DNAH8: variants seen among roughly 807,000 people sequenced by gnomAD.
DNAH8 encodes dynein axonemal heavy chain 8, also known as axonemal beta dynein heavy chain 8.
DNAH8 carries 382 observed loss-of-function variants against 562.1 expected under a neutral mutation model. That is an observed-to-expected ratio of 0.68 (90% confidence interval 0.63 to 0.74). The LOEUF is 0.74. DNAH8 is among the 30% of genes least tolerant of loss of function. The pLI is 0.00. For synonymous variants in DNAH8, 1,881 were observed against 1,919.4 expected (o/e 0.98, Z 0.52); for missense variants, 5,203 against 5,620.4 (o/e 0.93, Z 2.37).
Position 39,026,557 on chromosome 6 carries a change from G to C in DNAH8, c.13726G>C (p.Ala4576Pro), listed in dbSNP as rs761867918. ...GFFNPQGFLT[A>P]MRQEVTRAHK... is the part of the protein sequence containing the mutation. ...TTTTTTTCTTTAAGGCTTCCTCACA[G>C]CAATGAGGCAAGAAGTGACCCGTGC... Residue 4576 changes from alanine (A) to proline (P), a missense_variant, in exon 92 of 93, where the codon GCA (alanine) becomes CCA (proline). Ala to Pro is a conservative substitution (Grantham distance 27). Around this residue, in one of 6 missense-constraint regions of DNAH8, gnomAD observed 1,399 missense variants for 1,518.4 expected, o/e 0.92. Transcript: ENST00000327475. 8.7e-6 allele frequency: 14 copies of C among 1,610,180 alleles called. No individual in the cohort carries two copies. The highest frequency in any genetic ancestry group is 1.1e-5 in the Non-Finnish European group (13 of 1,178,794).
intron 77 of DNAH8, 116 bp downstream of exon 77, chr6:38,935,813 A>C (rs1183994304): frequency 1.4e-6 from 1 of 700,600 alleles, no homozygotes; most frequent in East Asian, 2.9e-5. Flanking sequence ...TATCAATGCA[A>C]AAACAAGCAA....
chr6:38,983,210 A>G (rs1764153495), intron 86 of DNAH8, among the ~76,000 whole-genome samples: 1 of 152,216 alleles, frequency 6.6e-6, no homozygotes, highest in Non-Finnish European at 1.5e-5. Context: ...TGAGGAACGA[A>G]TGAGTTAGTA....
At position 38,938,055 on chromosome 6, in the gene DNAH8, A is replaced by G. The variant is rs1459344355; in HGVS notation, c.11645A>G (p.His3882Arg). 9 of 1,614,118 alleles carry G rather than the reference A, an allele frequency of 5.6e-6. No individual in the cohort carries two copies. Among genetic ancestry groups the G allele is most frequent in the Non-Finnish European group, 7.6e-6 (9 of 1,180,026 alleles). The stretch of plus-strand genomic sequence containing the variant: ...GCAGCTGAGGTAAGTGAAAAGTTGC[A>G]TGTGGCTGCAGAAACTGAGATCAAG... ...QTAAEVSEKL[H>R]VAAETEIKIN... is the part of the protein sequence containing the mutation. Residue 3882 changes from histidine to arginine, a missense_variant, in exon 78 of 93, where the codon CAT becomes CGT. Coordinates refer to ENST00000327475, the MANE Select transcript of DNAH8 (RefSeq NM_001206927.2).
intron 26 of DNAH8, among the ~76,000 whole-genome samples, chr6:38,816,555 T>A (rs1049654571): frequency 6.7e-6 from 1 of 150,362 alleles, no homozygotes; most frequent in East Asian, 2.0e-4. Flanking sequence ...TAGGCGTGCA[T>A]GTATCCTTAT....
At chr6:38,994,829 G>C (rs1765033417) in intron 88 of DNAH8, among the ~76,000 whole-genome samples, 1 of 151,528 alleles carries the variant, frequency 6.6e-6, no homozygotes, top group Non-Finnish European at 1.5e-5. Flanking sequence ...ATTTTAGTAG[G>C]GAAGGGGTTT....
At chr6:39,020,139 T>C (rs1561983157) in intron 91 of DNAH8, among the ~76,000 whole-genome samples, 1 of 152,158 alleles carries the variant, frequency 6.6e-6, no homozygotes, top group Non-Finnish European at 1.5e-5. Context: ...ATCCCAGCCT[T>C]GCTAAGACAG....
At chr6:38,908,194 AT>A in intron 64 of DNAH8, 74 bp downstream of exon 64, 1 of 803,504 alleles carries the variant, frequency 1.2e-6, no homozygotes, top group South Asian at 2.9e-5. Context: ...GCCTTCTCTG[AT>A]TAGAAAATGA....
In DNAH8 at chr6:38,722,880, C is replaced by T. The variant is rs768307399; in HGVS notation, c.71C>T (p.Ala24Val). 3.7e-6 allele frequency: 6 copies of T among 1,611,466 alleles called. No individual in the cohort carries two copies. The highest frequency in any genetic ancestry group is 3.3e-4 in the Middle Eastern group (2 of 6,042). ...AEAPPSTEEA[A>V]PPRSEEEEAP... ...GCTCCTCCCTCTACGGAAGAGGCTG[C>T]CCCTCCCCGTTCAGAAGAGGAAGAG... is the stretch of plus-strand genomic sequence containing the variant. Residue 24 changes from alanine (A) to valine (V), a missense_variant, in exon 2 of 93, where the codon GCC becomes GTC. By Grantham distance (64) the Ala-to-Val change is moderately conservative. This residue lies in a region of DNAH8 where 556 missense variants were observed against 496.9 expected (regional missense o/e 1.12). Coordinates refer to ENST00000327475, the MANE Select transcript of DNAH8 (RefSeq NM_001206927.2).
intron 17 of DNAH8, among the ~76,000 whole-genome samples, chr6:38,785,198 A>G (rs1011078174): frequency 1.3e-4 from 20 of 152,196 alleles, no homozygotes; most frequent in Non-Finnish European, 1.9e-4. Context: ...TTCATTTCAG[A>G]AATGAATTGC....
At chr6:38,749,249 A>T (rs1451401629) in intron 8 of DNAH8, among the ~76,000 whole-genome samples, 1 of 152,176 alleles carries the variant, frequency 6.6e-6, no homozygotes, top group Non-Finnish European at 1.5e-5. Context: ...GGAAGCCATC[A>T]TCCTCAGCAA....
chr6:38,737,610 A>G lies in DNAH8; in HGVS notation c.953-199A>G, dbSNP rs57772294. Among the ~76,000 whole-genome samples the G allele has an allele frequency of 0.12, 18,525 of 151,246 alleles. 1,363 individuals carry two copies. The highest frequency in any genetic ancestry group is 0.22 in the Admixed American group (3,400 of 15,170). On this transcript the variant is annotated intron_variant, in intron 6 of 92. Coordinates refer to ENST00000327475, the MANE Select transcript of DNAH8 (RefSeq NM_001206927.2). ...TCAGTAAATTATGAAGTCATAATCT[A>G]ATGATTAATTAGAATTATATTTCTG...
intron 76 of DNAH8, chr6:38,932,875 A>G (rs963555304): frequency 2.0e-5 from 3 of 152,334 alleles, no homozygotes; most frequent in Non-Finnish European, 4.4e-5. Flanking sequence ...GCAACATCCT[A>G]CCTGGCTCAT....
At chr6:39,010,150 C>CTG (rs10627870) in intron 89 of DNAH8, among the ~76,000 whole-genome samples, 136,517 of 152,134 alleles carry the variant, frequency 0.9, 61,470 homozygotes, top group African/African-American at 0.98. Context: ...CCAGCAGAAA[C>CTG]AGCATCAGGG....
At chr6:38,874,038 T>TTTTCTTTCTTTC in intron 52 of DNAH8, among the ~76,000 whole-genome samples, 1 of 21,076 alleles carries the variant, frequency 4.7e-5, no homozygotes, top group African/African-American at 1.5e-4. Flanking sequence ...TTTTCTTTTC[T>TTTTCTTTCTTTC]TTTCTTTCTT....
At chr6:38,988,668 G>T (rs977123302) in intron 87 of DNAH8, among the ~76,000 whole-genome samples, 1 of 151,932 alleles carries the variant, frequency 6.6e-6, no homozygotes, top group African/African-American at 2.4e-5. Flanking sequence ...ACTACATTGT[G>T]TCCACCCTAT....
At chr6:38,729,446 A>G (rs1042794053) in intron 3 of DNAH8, among the ~76,000 whole-genome samples, 2 of 152,246 alleles carry the variant, frequency 1.3e-5, no homozygotes, top group African/African-American at 4.8e-5. Context: ...TCTCAGTATG[A>G]TAATGTGTTT....
At chr6:38,797,640 C>T (rs777074392) in intron 21 of DNAH8, among the ~76,000 whole-genome samples, 46 of 152,172 alleles carry the variant, frequency 3.0e-4, no homozygotes, top group African/African-American at 8.2e-4. Context: ...TTTACTACGC[C>T]GCTGCAAAGT....
At chr6:38,740,631 T>A (rs1361623784) in intron 7 of DNAH8, among the ~76,000 whole-genome samples, 3 of 152,204 alleles carry the variant, frequency 2.0e-5, no homozygotes, top group African/African-American at 4.8e-5. Context: ...TTTTCTTTTT[T>A]TGAGACAGGG....
rs754250696 is a variant in DNAH8 at position 38,860,578 on chromosome 6, A to G, written c.6080A>G (p.Asn2027Ser). Residue 2027 changes from asparagine (N) to serine (S), a missense_variant, in exon 43 of 93, where the codon AAT becomes AGT. Physicochemically the swap from Asn to Ser is conservative, Grantham distance 46. Around this residue, in one of 6 missense-constraint regions of DNAH8, gnomAD observed 2,176 missense variants for 2,365.1 expected, o/e 0.92. Coordinates refer to ENST00000327475, the MANE Select transcript of DNAH8 (RefSeq NM_001206927.2). Reference protein sequence around the residue: ...SITDVDFIYQNEFLGCTDRLV... With the variant: ...SITDVDFIYQSEFLGCTDRLV... ...ACAGATGTTGATTTTATTTACCAAA[A>G]TGAATTTCTGGGATGTACTGATCGT... The G allele has an allele frequency of 6.5e-7, 1 of 1,538,188 alleles. No individual in the cohort carries two copies. Among genetic ancestry groups the G allele is most frequent in the Non-Finnish European group, 8.7e-7 (1 of 1,152,036 alleles).
Sources: allele counts gnomAD v4.1 joint callset (sites outside exome capture counted in the v4.1 genomes callset), GRCh38; gene constraint gnomAD v4.1.1; regional missense constraint gnomAD v4.1.1; transcripts MANE v1.5; gene names NCBI Gene and HGNC (gene_info 2026-07-23, HGNC 2026-07-21).